The following XKR5 variants were observed in gnomAD, a reference collection of about 807,000 sequenced individuals.
XKR5 encodes the protein XK related 5.
A neutral mutation model predicts 40.8 loss-of-function variants in XKR5; 46 were observed. The observed-to-expected ratio is 1.13, with a 90% CI of 0.89 to 1.44. The LOEUF (loss-of-function observed/expected upper bound fraction) is 1.44. XKR5 is among the 40% of genes most tolerant of loss of function. The probability of loss-of-function intolerance (pLI) is 0.00; values close to 1 mark genes in which losing one functional copy is unlikely to be tolerated. For missense variants in XKR5, 1,169 were observed against 844.7 expected, an observed-to-expected ratio of 1.38 and a Z score of -4.76; for synonymous variants, 466 against 356.1, an observed-to-expected ratio of 1.31 and a Z score of -3.48.
Position 6,825,286 on chromosome 8 carries a change from C to A in XKR5, c.306G>T (p.Leu102=). 4 of 1,610,282 alleles carry A rather than the reference C, an allele frequency of 2.5e-6. No homozygotes were observed. The highest frequency in any genetic ancestry group is 3.4e-6 in the Non-Finnish European group (4 of 1,178,720). Residue 102 remains leucine, a synonymous_variant, in exon 3 of 7, where the codon CTG becomes CTT. Coordinates refer to ENST00000618742, the MANE Select transcript of XKR5 (RefSeq NM_207411.5). ...KELEAPHRGW[L]QLQEADLSAL... is the part of the protein sequence containing the mutation. ...CCGACAGGTCGGCCTCCTGCAGCTG[C>A]AGCCAGCCTCGGTGGGGAGCCTCCA...
chr8:6,828,224 A>G (rs1804608060), intron 2 of XKR5, among the ~76,000 whole-genome samples: 1 of 152,204 alleles, frequency 6.6e-6, no homozygotes, highest in African/African-American at 2.4e-5. Context: ...TCAGAGTCAC[A>G]GGCAGAGAGA....
In XKR5 at chr8:6,811,228, C is replaced by G. The variant is rs753834373; in HGVS notation, c.2031G>C (p.Gln677His). Reference sequence around the variant, plus strand: ...TGAAAAAACTCGGCTCTTGCTTCATCTGTTCCCTGCAGCTGCAGTCCGTTT... The same window carrying G: ...TGAAAAAACTCGGCTCTTGCTTCATGTGTTCCCTGCAGCTGCAGTCCGTTT... ...SIQTDCSCRE[Q>H]MKQEPSFFI The change falls in exon 7 of 7, where the codon CAG becomes CAC. Residue 677 changes from glutamine (Q) to histidine (H), a missense_variant. Gln to His is a conservative substitution (Grantham distance 24). Coordinates refer to ENST00000618742, the MANE Select transcript of XKR5 (RefSeq NM_207411.5). 3.9e-6 allele frequency: 6 copies of G among 1,537,200 alleles called. No homozygotes were observed. The highest frequency in any genetic ancestry group is 5.2e-6 in the Non-Finnish European group (6 of 1,146,854).
chr8:6,817,024 C>T (rs1803989496), intron 5 of XKR5, among the ~76,000 whole-genome samples: 1 of 152,222 alleles, frequency 6.6e-6, no homozygotes, highest in African/African-American at 2.4e-5. Flanking sequence ...GCATCTTTCT[C>T]TCCCCACTCC....
chr8:6,815,734 CT>C, intron 6 of XKR5, 72 bp downstream of exon 6: 1 of 1,066,858 alleles, frequency 9.4e-7, no homozygotes, highest in Non-Finnish European at 1.4e-6. Flanking sequence ...GTTTCCTACC[CT>C]TTGAGCCCAT....
intron 6 of XKR5, among the ~76,000 whole-genome samples, chr8:6,813,129 C>G (rs1057070056): frequency 2.0e-5 from 3 of 152,208 alleles, no homozygotes; most frequent in African/African-American, 7.2e-5. Context: ...GCTAGAAAGA[C>G]TGCCTGAAGG....
At chr8:6,824,786 G>A (rs902428166) in intron 3 of XKR5, among the ~76,000 whole-genome samples, 1 of 152,170 alleles carries the variant, frequency 6.6e-6, no homozygotes, top group Admixed American at 6.5e-5. Context: ...GCTTCCCAAA[G>A]TGCTGGGACT....
At chr8:6,814,410 C>T (rs530818524) in intron 6 of XKR5, among the ~76,000 whole-genome samples, 114 of 152,090 alleles carry the variant, frequency 7.5e-4, no homozygotes, top group Non-Finnish European at 1.4e-3. Context: ...TTTCACAACG[C>T]ATTCTCCAAG....
At position 6,815,874 on chromosome 8, in the gene XKR5, G is replaced by C; in HGVS notation, c.852C>G (p.Asp284Glu). 1 of 1,605,172 alleles carries C rather than the reference G, an allele frequency of 6.2e-7. No homozygotes were observed. Residue 284 changes from aspartate to glutamate, a missense_variant, in exon 6 of 7, where the codon GAC becomes GAG. Physicochemically the swap from Asp to Glu is conservative, Grantham distance 45. Transcript: ENST00000618742. ...TGGTCCACGATGCCCCCTGGAGAAA[G>C]TCGGTGGCCAACAGCAACAGGATGA... ...ENIILLLLAT[D>E]FLQGASWTSL...
chr8:6,815,998 G>T, intron 5 of XKR5, 80 bp from the exon 6 acceptor site: 3 of 1,049,324 alleles, frequency 2.9e-6, no homozygotes, highest in Non-Finnish European at 4.3e-6. Flanking sequence ...GTCTGCAGCG[G>T]CTCCCCCTCC....
At chr8:6,831,497 C>G (rs1487325641) in intron 2 of XKR5, among the ~76,000 whole-genome samples, 2 of 152,124 alleles carry the variant, frequency 1.3e-5, no homozygotes, top group African/African-American at 4.8e-5. Flanking sequence ...CTGGGCGGGA[C>G]GGCACCATTC....
At chr8:6,820,760 C>G (rs1427473593) in intron 5 of XKR5, among the ~76,000 whole-genome samples, 1 of 152,152 alleles carries the variant, frequency 6.6e-6, no homozygotes, top group Non-Finnish European at 1.5e-5. Flanking sequence ...GTCCTGTGAG[C>G]TCTGCCTGGC....
At chr8:6,818,873 C>T (rs1003004856) in intron 5 of XKR5, among the ~76,000 whole-genome samples, 3 of 152,014 alleles carry the variant, frequency 2.0e-5, no homozygotes, top group Non-Finnish European at 2.9e-5. Context: ...GGTTAAAGGC[C>T]CTACGAAAAA....
intron 3 of XKR5, among the ~76,000 whole-genome samples, chr8:6,824,430 G>C (rs1219935038): frequency 6.6e-6 from 1 of 152,174 alleles, no homozygotes; most frequent in African/African-American, 2.4e-5. Context: ...TGAATGGCCT[G>C]AAATGAGTGG....
rs894045699 is a variant in XKR5 at position 6,812,392 on chromosome 8, C to T, written c.920-53G>A. On this transcript the variant is annotated intron_variant, in intron 6 of 6. Coordinates refer to ENST00000618742, the MANE Select transcript of XKR5 (RefSeq NM_207411.5). ...TTATGTTCTTTGAAGTCTGCATCCT[C>T]CCTCTGGTGTGCAGTTTCAGGTTCT... 5 of 1,467,482 alleles carry T rather than the reference C, an allele frequency of 3.4e-6. No individual in the cohort carries two copies. In the African/African-American group the frequency reaches 7.1e-5, roughly 21 times the overall value. 90.9% of individuals were successfully genotyped at this position (1,467,482 alleles called of 1,614,324 possible). A position where few individuals can be genotyped will look rare whatever the true frequency, so the allele number is the denominator to read the frequency against.
chr8:6,829,042 G>A (rs147899806), intron 2 of XKR5: 2,224 of 152,360 alleles, frequency 0.015, 48 homozygotes, highest in Non-Finnish European at 0.019. Flanking sequence ...GATGGAAATC[G>A]CAACAGCCTT....
rs775438403 is a variant in XKR5 at position 6,825,194 on chromosome 8, A to G, written c.398T>C (p.Leu133Pro). The G allele has an allele frequency of 3.1e-6, 5 of 1,613,594 alleles. No homozygotes were observed. Among genetic ancestry groups the G allele is most frequent in the Admixed American group, 3.3e-5 (2 of 59,990 alleles). The stretch of plus-strand genomic sequence containing the variant: ...CACAATATCTGTGAAGTCTGAGGCT[A>G]GAAAAACATATGTCTGAAGCAGCAG... ...PHLLLQTYVF[L>P]ASDFTDIVPG... Residue 133 changes from leucine to proline, a missense_variant, in exon 3 of 7, where the codon CTA (leucine) becomes CCA (proline). Transcript: ENST00000618742.
Position 6,811,708 on chromosome 8 carries a change from G to A in XKR5, c.1551C>T (p.Asp517=), listed in dbSNP as rs373562602. Residue 517 remains aspartate (D), a synonymous_variant, in exon 7 of 7, where the codon GAC becomes GAT. Coordinates refer to ENST00000618742, the MANE Select transcript of XKR5 (RefSeq NM_207411.5). ...CCTTCCCCTGTGTCCCAGAAACAGC[G>A]TCAGCTCCTTCCTTTGGGGTGCCCT... is the stretch of plus-strand genomic sequence containing the variant. The part of the protein sequence containing the change: ...QGEGTPKEGA[D]AVSGTQGKGT... The A allele has an allele frequency of 2.8e-3, 4,310 of 1,537,676 alleles. 126 individuals carry two copies. The South Asian group carries it at 0.046, about 16-fold the overall frequency.
chr8:6,831,283 A>G (rs1170392915), intron 2 of XKR5, among the ~76,000 whole-genome samples: 1 of 152,192 alleles, frequency 6.6e-6, no homozygotes, highest in Non-Finnish European at 1.5e-5. Flanking sequence ...CTTCTCCGCC[A>G]TGGAAGGAAG....
At chr8:6,822,165 A>C in intron 4 of XKR5, 127 bp from the exon 5 acceptor site, 3 of 902,920 alleles carry the variant, frequency 3.3e-6, no homozygotes, top group Middle Eastern at 3.4e-4. Context: ...AAGAGATATC[A>C]AAACCCAGAA....
Sources: allele counts gnomAD v4.1 joint callset (sites outside exome capture counted in the v4.1 genomes callset), GRCh38; gene constraint gnomAD v4.1.1; transcripts MANE v1.5; gene names NCBI Gene and HGNC (gene_info 2026-07-23, HGNC 2026-07-21).